SDCCAG8: variants seen among roughly 807,000 people sequenced by gnomAD.
SDCCAG8 encodes serologically defined colon cancer antigen 8.
In SDCCAG8, 74 loss-of-function variants were observed where a neutral mutation model predicts 101.8. The ratio of observed to expected loss-of-function variants is 0.73; its 90% CI spans 0.60 to 0.88. The LOEUF (loss-of-function observed/expected upper bound fraction) is 0.88. Ranked by LOEUF, SDCCAG8 falls within the 40% of genes least tolerant of loss-of-function variation. The pLI, the probability that SDCCAG8 is intolerant of heterozygous loss-of-function variation, is 0.00. For missense variants in SDCCAG8, 787 were observed against 822.6 expected, an observed-to-expected ratio of 0.96 and a Z score of 0.53; for synonymous variants, 281 against 292.9, an observed-to-expected ratio of 0.96 and a Z score of 0.41.
At chr1:243,361,636 C>A (rs2076716364) in intron 12 of SDCCAG8, among the ~76,000 whole-genome samples, 1 of 152,190 alleles carries the variant, frequency 6.6e-6, no homozygotes, top group Non-Finnish European at 1.5e-5. Flanking sequence ...CGTGGTTTGC[C>A]TTTAGCTTCT....
At chr1:243,430,989 G>A (rs2081720460) in intron 16 of SDCCAG8, among the ~76,000 whole-genome samples, 1 of 151,768 alleles carries the variant, frequency 6.6e-6, no homozygotes, top group Non-Finnish European at 1.5e-5. Context: ...ATGAGGTCAG[G>A]AGTTCGAGAC....
At chr1:243,444,208 A>G (rs1046633486) in intron 16 of SDCCAG8, among the ~76,000 whole-genome samples, 1 of 152,200 alleles carries the variant, frequency 6.6e-6, no homozygotes, top group Non-Finnish European at 1.5e-5. Context: ...CAGCAAAACA[A>G]TATGTGAGGT....
At chr1:243,450,715 G>C (rs2083286613) in intron 16 of SDCCAG8, among the ~76,000 whole-genome samples, 1 of 152,194 alleles carries the variant, frequency 6.6e-6, no homozygotes, top group South Asian at 2.1e-4. Context: ...TGGGAGTACA[G>C]TGGTGCCATC....
intron 9 of SDCCAG8, 107 bp downstream of exon 9, chr1:243,317,000 C>A: frequency 8.6e-7 from 1 of 1,166,068 alleles, no homozygotes; most frequent in Non-Finnish European, 1.2e-6. Flanking sequence ...TTTTCAAACA[C>A]ACAAAGTGAA....
At chr1:243,379,881 C>T (rs2077834442) in intron 13 of SDCCAG8, among the ~76,000 whole-genome samples, 1 of 152,108 alleles carries the variant, frequency 6.6e-6, no homozygotes, top group African/African-American at 2.4e-5. Context: ...ATTCTGAGCA[C>T]GGTATGCTAA....
chr1:243,336,587 C>G (rs1348071593), intron 10 of SDCCAG8, among the ~76,000 whole-genome samples: 1 of 152,114 alleles, frequency 6.6e-6, no homozygotes, highest in Non-Finnish European at 1.5e-5. Context: ...GCGCTACACA[C>G]TTTTAAACAG....
chr1:243,260,045 A>C (rs2067084183), intron 1 of SDCCAG8, among the ~76,000 whole-genome samples: 1 of 152,018 alleles, frequency 6.6e-6, no homozygotes, highest in Non-Finnish European at 1.5e-5. Flanking sequence ...TTTTCAGTGG[A>C]TTTGCTGTTT....
intron 12 of SDCCAG8, among the ~76,000 whole-genome samples, chr1:243,349,567 C>A (rs1278427055): frequency 1.3e-5 from 2 of 152,144 alleles, no homozygotes; most frequent in African/African-American, 4.8e-5. Context: ...TTTGAAGACC[C>A]ATGTATCTTA....
At chr1:243,492,459 A>G (rs6659342) in intron 17 of SDCCAG8, among the ~76,000 whole-genome samples, 4,763 of 145,226 alleles carry the variant, frequency 0.033, 234 homozygotes, top group African/African-American at 0.11. Context: ...CCACCACCAC[A>G]CCTAGCTAAT....
chr1:243,376,769 T>G (rs1016974369), intron 12 of SDCCAG8, among the ~76,000 whole-genome samples: 2 of 152,170 alleles, frequency 1.3e-5, no homozygotes. Context: ...ACTGCAATTA[T>G]CTTTTCATGG....
chr1:243,315,960 A>G (rs1054489303), intron 8 of SDCCAG8, among the ~76,000 whole-genome samples: 5 of 152,236 alleles, frequency 3.3e-5, no homozygotes, highest in East Asian at 3.8e-4. Context: ...TTCAGTTGAT[A>G]AATTGCAAAT....
chr1:243,462,731 CT>C (rs1659376040), intron 16 of SDCCAG8, among the ~76,000 whole-genome samples: 2 of 152,280 alleles, frequency 1.3e-5, no homozygotes, highest in Non-Finnish European at 2.9e-5. Context: ...ATTTAAACAG[CT>C]TTAGCAATAT....
chr1:243,419,027 G>A (rs1451612896), intron 15 of SDCCAG8, among the ~76,000 whole-genome samples: 1 of 152,080 alleles, frequency 6.6e-6, no homozygotes, highest in East Asian at 1.9e-4. Flanking sequence ...ATTTCTGGGA[G>A]TATCAGGGCA....
At chr1:243,386,785 G>GAGAA (rs1473853386) in intron 13 of SDCCAG8, among the ~76,000 whole-genome samples, 3 of 151,906 alleles carry the variant, frequency 2.0e-5, no homozygotes, top group African/African-American at 7.3e-5. Flanking sequence ...GAGAGAGAGA[G>GAGAA]AGAGAAAGAA....
intron 4 of SDCCAG8, 61 bp downstream of exon 4, chr1:243,274,717 G>T (rs1194228758): frequency 2.8e-5 from 29 of 1,019,574 alleles, no homozygotes; most frequent in Non-Finnish European, 4.1e-5. Flanking sequence ...ACTATAGATT[G>T]TATTAAAATT....
At position 243,308,110 on chromosome 1, in the gene SDCCAG8, C is replaced by G. The variant is rs766435425; in HGVS notation, c.862C>G (p.Gln288Glu). 2 of 1,614,186 alleles carry G rather than the reference C, an allele frequency of 1.2e-6. No individual in the cohort carries two copies. The highest frequency in any genetic ancestry group is 2.2e-5 in the South Asian group (2 of 91,082). The change falls in exon 8 of 18, where the codon CAG becomes GAG. Residue 288 changes from glutamine to glutamate, a missense_variant. Coordinates refer to ENST00000366541, the MANE Select transcript of SDCCAG8 (RefSeq NM_006642.5). ...TGGTGGTCTTTGTTTGAAATGTGCTCAGCATGAAGCTGTTCTTTCCCAAAC... is the reference window on the plus strand; with the variant it reads ...TGGTGGTCTTTGTTTGAAATGTGCTGAGCATGAAGCTGTTCTTTCCCAAAC... ...RVGGLCLKCA[Q>E]HEAVLSQTHT...
intron 13 of SDCCAG8, among the ~76,000 whole-genome samples, chr1:243,400,598 A>G (rs1307655515): frequency 1.3e-5 from 2 of 152,344 alleles, no homozygotes; most frequent in Middle Eastern, 3.4e-3. Flanking sequence ...TAGCTGTGCC[A>G]GAGTCACGTT....
intron 16 of SDCCAG8, among the ~76,000 whole-genome samples, chr1:243,437,036 G>T (rs2082180436): frequency 6.6e-6 from 1 of 152,094 alleles, no homozygotes; most frequent in Non-Finnish European, 1.5e-5. Flanking sequence ...CTCTAAAGCT[G>T]ATTTTCTCTC....
intron 12 of SDCCAG8, among the ~76,000 whole-genome samples, chr1:243,347,340 T>C (rs1354208055): frequency 6.6e-6 from 1 of 152,242 alleles, no homozygotes; most frequent in Non-Finnish European, 1.5e-5. Context: ...TTCTTTAATA[T>C]CAAATAACAC....
Sources: gnomAD v4.1 joint callset for allele counts (sites outside exome capture counted in the v4.1 genomes callset) on GRCh38, gnomAD v4.1.1 for gene constraint, MANE v1.5 for transcripts, NCBI Gene and HGNC (gene_info 2026-07-23, HGNC 2026-07-21) for gene names.